The following INPP4B variants were observed in gnomAD, a reference collection of about 807,000 sequenced individuals.
INPP4B encodes the protein inositol polyphosphate-4-phosphatase type II B.
In INPP4B, 55 loss-of-function variants were observed where a neutral mutation model predicts 122.5. That is an observed-to-expected ratio of 0.45 (90% CI 0.36 to 0.56). The LOEUF (loss-of-function observed/expected upper bound fraction) is 0.56, where lower values mean the gene tolerates loss of function less well. Among genes scored for constraint, INPP4B ranks in the 20% least tolerant of loss-of-function variants. The pLI is 0.00. For synonymous variants in INPP4B, 403 were observed against 388.7 expected (o/e 1.04, Z -0.43); for missense variants, 1,000 against 1,097.7 (o/e 0.91, Z 1.26).
chr4:142,063,649 A>G (rs965655327), intron 25 of INPP4B, among the ~76,000 whole-genome samples: 1 of 152,190 alleles, frequency 6.6e-6, no homozygotes, highest in Middle Eastern at 3.2e-3. Flanking sequence ...ATATATACAC[A>G]TAAATTTATT....
intron 2 of INPP4B, among the ~76,000 whole-genome samples, chr4:142,680,301 A>G (rs893171960): frequency 3.3e-5 from 5 of 151,906 alleles, no homozygotes; most frequent in Non-Finnish European, 5.9e-5. Flanking sequence ...TCTTAGCTAC[A>G]CTGCATTCCA....
chr4:142,806,507 C>G (rs912558149), intron 1 of INPP4B, among the ~76,000 whole-genome samples: 3 of 151,442 alleles, frequency 2.0e-5, no homozygotes, highest in African/African-American at 7.3e-5. Flanking sequence ...TTTGGGAGGC[C>G]AAGGGGGGTG....
chr4:142,257,244 A>G (rs1216203380), intron 11 of INPP4B, among the ~76,000 whole-genome samples: 2 of 152,226 alleles, frequency 1.3e-5, no homozygotes, highest in African/African-American at 2.4e-5. Context: ...CCCACAGCCA[A>G]TATCATACTG....
At chr4:142,236,747 A>G (rs1856846714) in intron 12 of INPP4B, among the ~76,000 whole-genome samples, 1 of 152,118 alleles carries the variant, frequency 6.6e-6, no homozygotes, top group Non-Finnish European at 1.5e-5. Context: ...TGCCCTGTCT[A>G]TGGTGTCCTC....
At chr4:142,752,082 G>A (rs2150951706) in intron 1 of INPP4B, among the ~76,000 whole-genome samples, 1 of 152,050 alleles carries the variant, frequency 6.6e-6, no homozygotes, top group Middle Eastern at 3.4e-3. Context: ...CACAAACTCT[G>A]TAAGCCTAGA....
intron 2 of INPP4B, among the ~76,000 whole-genome samples, chr4:142,567,392 A>G (rs1300057235): frequency 6.6e-6 from 1 of 152,042 alleles, no homozygotes; most frequent in Non-Finnish European, 1.5e-5. Context: ...AACTACAACT[A>G]GTCACTCTTC....
chr4:142,185,029 A>G (rs1832544884), intron 15 of INPP4B, among the ~76,000 whole-genome samples: 1 of 152,186 alleles, frequency 6.6e-6, no homozygotes, highest in Non-Finnish European at 1.5e-5. Context: ...GCCAGTCTGG[A>G]AGGAAGGACG....
At chr4:142,058,012 T>G (rs1257934983) in intron 25 of INPP4B, among the ~76,000 whole-genome samples, 1 of 152,040 alleles carries the variant, frequency 6.6e-6, no homozygotes, top group Non-Finnish European at 1.5e-5. Context: ...ATTTCTTGCC[T>G]CCCCTACTAT....
intron 2 of INPP4B, among the ~76,000 whole-genome samples, chr4:142,594,896 T>C (rs1464689850): frequency 7.1e-6 from 1 of 141,322 alleles, no homozygotes; most frequent in African/African-American, 2.7e-5. Context: ...AGGAGGTTGC[T>C]GTGAGCCAAG....
intron 2 of INPP4B, among the ~76,000 whole-genome samples, chr4:142,665,507 A>AAAAAG (rs1553986564): frequency 6.7e-6 from 1 of 149,970 alleles, no homozygotes; most frequent in Middle Eastern, 3.4e-3. Context: ...AAAAAAAAAA[A>AAAAAG]AAAGAAAGAA....
At chr4:142,058,059 T>C (rs533110453) in intron 25 of INPP4B, among the ~76,000 whole-genome samples, 39 of 152,236 alleles carry the variant, frequency 2.6e-4, no homozygotes, top group African/African-American at 9.4e-4. Flanking sequence ...ATATTTTATC[T>C]ACCTAATGTG....
At chr4:142,696,651 C>T (rs1295997006) in intron 2 of INPP4B, among the ~76,000 whole-genome samples, 2 of 152,120 alleles carry the variant, frequency 1.3e-5, no homozygotes, top group African/African-American at 4.8e-5. Context: ...CTCTGCCTTG[C>T]CATCAGCTAC....
chr4:142,344,446 T>C (rs758994488), intron 7 of INPP4B, among the ~76,000 whole-genome samples: 10 of 152,044 alleles, frequency 6.6e-5, no homozygotes, highest in Non-Finnish European at 1.0e-4. Context: ...TTTTCCACCA[T>C]GCCTGTTTTC....
intron 2 of INPP4B, among the ~76,000 whole-genome samples, chr4:142,464,176 T>G (rs138463343): frequency 6.6e-6 from 1 of 152,274 alleles, no homozygotes; most frequent in East Asian, 1.9e-4. Context: ...TAAAACAATT[T>G]ACTATTATAT....
At chr4:142,519,514 T>A (rs1264217155) in intron 2 of INPP4B, among the ~76,000 whole-genome samples, 1 of 152,138 alleles carries the variant, frequency 6.6e-6, no homozygotes, top group Non-Finnish European at 1.5e-5. Context: ...CAGCTGGCAG[T>A]GAGATAAATG....
At chr4:142,070,140 G>C (rs1281825733) in intron 25 of INPP4B, among the ~76,000 whole-genome samples, 1 of 152,160 alleles carries the variant, frequency 6.6e-6, no homozygotes, top group Non-Finnish European at 1.5e-5. Flanking sequence ...TATCCACCAT[G>C]ATCAACTTGG....
At chr4:142,477,532 T>C (rs999566230) in intron 2 of INPP4B, among the ~76,000 whole-genome samples, 28 of 151,684 alleles carry the variant, frequency 1.8e-4, no homozygotes, top group African/African-American at 6.5e-4. Flanking sequence ...GACCACTTAC[T>C]ACACTAATAA....
intron 16 of INPP4B, among the ~76,000 whole-genome samples, chr4:142,166,088 G>A (rs916714210): frequency 6.6e-6 from 1 of 151,550 alleles, no homozygotes; most frequent in African/African-American, 2.4e-5. Context: ...TAAGTTCTAA[G>A]AATGCATTAT....
intron 7 of INPP4B, among the ~76,000 whole-genome samples, chr4:142,352,150 C>A (rs989113193): frequency 4.0e-5 from 6 of 151,820 alleles, no homozygotes; most frequent in African/African-American, 1.5e-4. Context: ...GTCTGCCCAG[C>A]GAATGTGTTT....
Sources: allele counts gnomAD v4.1 joint callset (sites outside exome capture counted in the v4.1 genomes callset), GRCh38; gene constraint gnomAD v4.1.1; transcripts MANE v1.5; gene names NCBI Gene and HGNC (gene_info 2026-07-23, HGNC 2026-07-21).